The following SYDE2 variants were observed in gnomAD, a reference collection of about 807,000 sequenced individuals.
SYDE2 encodes the protein synapse defective Rho GTPase homolog 2.
SYDE2 carries 76 observed loss-of-function variants against 91.5 expected under a neutral mutation model. The observed-to-expected ratio is 0.83, with a 90% confidence interval of 0.69 to 1.01. SYDE2 has a LOEUF of 1.01. Among genes scored for constraint, SYDE2 ranks in the 50% least tolerant of loss-of-function variants. The pLI is 0.00. For missense variants in SYDE2, 1,364 were observed against 1,367.7 expected (o/e 1.00, Z 0.04); for synonymous variants, 513 against 506.4 (o/e 1.01, Z -0.18).
At chr1:85,163,481 A>ATATATATATATAT (rs1657152403) in intron 6 of SYDE2, among the ~76,000 whole-genome samples, 40 of 138,168 alleles carry the variant, frequency 2.9e-4, no homozygotes, top group South Asian at 4.5e-4. Context: ...ATATATATAT[A>ATATATATATATAT]ACAAAAGAGT....
In SYDE2 at chr1:85,169,111, C is replaced by T; in HGVS notation, c.2786G>A (p.Cys929Tyr). 1 of 1,613,896 alleles carries T rather than the reference C, an allele frequency of 6.2e-7. No homozygotes were observed. The highest frequency in any genetic ancestry group is 8.5e-7 in the Non-Finnish European group (1 of 1,179,800). Reference protein sequence around the residue: ...KSPLKMSSNGCENDPGDSKYT... With the variant: ...KSPLKMSSNGYENDPGDSKYT... Reference sequence around the variant, plus strand: ...CTTAGAGTCACCTGGGTCATTCTCACAACCATTTGATGACATTTTCAAAGG... The same window carrying T: ...CTTAGAGTCACCTGGGTCATTCTCATAACCATTTGATGACATTTTCAAAGG... The change falls in exon 5 of 7, where the codon TGT becomes TAT. Residue 929 changes from cysteine to tyrosine, a missense_variant. Transcript: ENST00000341460.
intron 4 of SYDE2, among the ~76,000 whole-genome samples, chr1:85,170,323 T>A (rs541687428): frequency 6.6e-6 from 1 of 152,010 alleles, no homozygotes; most frequent in Non-Finnish European, 1.5e-5. Context: ...TAGACTTGAA[T>A]TGCTGGCCTC....
At chr1:85,167,733 C>T (rs573475332) in intron 5 of SYDE2, among the ~76,000 whole-genome samples, 1 of 152,316 alleles carries the variant, frequency 6.6e-6, no homozygotes, top group African/African-American at 2.4e-5. Context: ...GTGTGATAGA[C>T]TATTTAATAT....
intron 4 of SYDE2, among the ~76,000 whole-genome samples, chr1:85,172,702 G>A (rs549474855): frequency 1.4e-4 from 21 of 152,250 alleles, no homozygotes; most frequent in African/African-American, 4.3e-4. Flanking sequence ...TTTGCAGGTC[G>A]CAGTAAGGAA....
intron 4 of SYDE2, among the ~76,000 whole-genome samples, chr1:85,171,109 A>T (rs1375671551): frequency 6.6e-6 from 1 of 152,178 alleles, no homozygotes; most frequent in African/African-American, 2.4e-5. Context: ...TAAAGAGAAG[A>T]GTTTCATTTT....
At chr1:85,161,936 G>A (rs539205664) in intron 6 of SYDE2, among the ~76,000 whole-genome samples, 1 of 152,148 alleles carries the variant, frequency 6.6e-6, no homozygotes, top group African/African-American at 2.4e-5. Flanking sequence ...TCTGGTCAAC[G>A]GGAAGTGTGT....
intron 4 of SYDE2, among the ~76,000 whole-genome samples, chr1:85,177,623 T>C (rs1657749332): frequency 6.6e-6 from 1 of 152,130 alleles, no homozygotes; most frequent in South Asian, 2.1e-4. Flanking sequence ...TTACTACCTC[T>C]TTGCCTGGAC....
At chr1:85,179,741 C>A (rs1240048503) in intron 3 of SYDE2, among the ~76,000 whole-genome samples, 2 of 152,092 alleles carry the variant, frequency 1.3e-5, no homozygotes, top group Non-Finnish European at 2.9e-5. Context: ...GCTACCACAA[C>A]AGAAGAAACG....
intron 1 of SYDE2, among the ~76,000 whole-genome samples, chr1:85,193,629 A>AT (rs34535337): frequency 1.3e-5 from 2 of 151,340 alleles, no homozygotes; most frequent in East Asian, 1.9e-4. Context: ...ATTAAAAGGA[A>AT]TTTTTTTTTA....
At chr1:85,162,771 A>C (rs191709236) in intron 6 of SYDE2, among the ~76,000 whole-genome samples, 3 of 152,328 alleles carry the variant, frequency 2.0e-5, no homozygotes, top group Admixed American at 2.0e-4. Flanking sequence ...AATAATTAAT[A>C]ATCATAACAA....
chr1:85,174,667 C>T (rs1393597854), intron 4 of SYDE2, among the ~76,000 whole-genome samples: 1 of 150,092 alleles, frequency 6.7e-6, no homozygotes, highest in Admixed American at 6.6e-5. Flanking sequence ...CTCTTTTTGG[C>T]CTTACCACCT....
intron 4 of SYDE2, among the ~76,000 whole-genome samples, chr1:85,172,092 T>A (rs817433): frequency 0.23 from 34,266 of 152,108 alleles, 4,782 homozygotes; most frequent in African/African-American, 0.38. Context: ...AACTTCTGAG[T>A]ACACATGAAG....
At position 85,159,163 on chromosome 1, in the gene SYDE2, G is replaced by C. The variant is rs765447266; in HGVS notation, c.3172C>G (p.Arg1058Gly). ...SLNYLRQKKE[R>G]PHMLNLSGTD... The stretch of plus-strand genomic sequence containing the variant: ...CCACTCAAATTTAACATATGAGGTC[G>C]TTCTTTCTTCTGCCTCAGATAATTC... Residue 1058 changes from arginine to glycine, a missense_variant, in exon 7 of 7, where the codon CGA becomes GGA. Coordinates refer to ENST00000341460, the MANE Select transcript of SYDE2 (RefSeq NM_032184.2). 2 of 780,748 alleles carry C rather than the reference G, an allele frequency of 2.6e-6. No homozygotes were observed. The highest frequency in any genetic ancestry group is 1.3e-5 in the South Asian group (1 of 74,604). The allele number at this position is 780,748 out of a possible 1,614,324, so 48.4% of individuals were successfully genotyped here.
downstream of SYDE2, among the ~76,000 whole-genome samples, chr1:85,155,508 A>G (rs1379236969): frequency 6.6e-6 from 1 of 152,188 alleles, no homozygotes; most frequent in Non-Finnish European, 1.5e-5. Context: ...AAGAAATAAA[A>G]GCAATTACTT....
intron 4 of SYDE2, among the ~76,000 whole-genome samples, chr1:85,173,362 G>A (rs12039804): frequency 0.047 from 7,184 of 152,218 alleles, 263 homozygotes; most frequent in East Asian, 0.17. Flanking sequence ...TCCCCTGCAG[G>A]TATCAGGGGG....
At position 85,190,479 on chromosome 1, in the gene SYDE2, T is replaced by A; in HGVS notation, c.1019A>T (p.Tyr340Phe). The A allele has an allele frequency of 6.2e-7, 1 of 1,614,030 alleles. No individual in the cohort carries two copies. The highest frequency in any genetic ancestry group is 8.5e-7 in the Non-Finnish European group (1 of 1,179,888). The change falls in exon 2 of 7, where the codon TAT becomes TTT. Residue 340 changes from tyrosine to phenylalanine, a missense_variant. Physicochemically the swap from Tyr to Phe is conservative, Grantham distance 22 (BLOSUM62 3). Transcript: ENST00000341460. The part of the protein sequence containing the change: ...FLKSSKEYCT[Y>F]VVCNATNSSL... ...AGAGTTTGTAGCGTTACATACCACA[T>A]ATGTACAGTACTCTTTAGATGATTT...
Position 85,190,590 on chromosome 1 carries a change from T to C in SYDE2, c.908A>G (p.Glu303Gly). 1 of 1,613,978 alleles carries C rather than the reference T, an allele frequency of 6.2e-7. No homozygotes were observed. Among genetic ancestry groups the C allele is most frequent in the Non-Finnish European group, 8.5e-7 (1 of 1,179,880 alleles). Residue 303 changes from glutamate to glycine, a missense_variant, in exon 2 of 7, where the codon GAA becomes GGA. Glu to Gly is a moderately conservative substitution (Grantham distance 98). Coordinates refer to ENST00000341460, the MANE Select transcript of SYDE2 (RefSeq NM_032184.2). ...QSTLRPLNLEEENKKCQDRSH... is the reference protein window; with the variant it reads ...QSTLRPLNLEGENKKCQDRSH... ...TCTATCTTGGCATTTCTTATTTTCTTCTTCCAGATTAAGAGGCCTCAGAGT... is the reference window on the plus strand; with the variant it reads ...TCTATCTTGGCATTTCTTATTTTCTCCTTCCAGATTAAGAGGCCTCAGAGT...
intron 3 of SYDE2, chr1:85,181,574 CA>C (rs1224728989): frequency 6.6e-6 from 1 of 152,198 alleles, no homozygotes; most frequent in African/African-American, 2.4e-5. Flanking sequence ...TATCTTAATG[CA>C]AAATTCCATT....
chr1:85,178,188 C>T lies in SYDE2; in HGVS notation c.2629G>A (p.Gly877Ser). The T allele has an allele frequency of 6.3e-7, 1 of 1,585,222 alleles. No homozygotes were observed. ...TCTGGGTACTGGTTTTCACACAGAC[C>T]AACAGCTTTGCTATCTCTCTCAAAA... ...EAFERDSKAV[G>S]LCENQYPDIN... The change falls in exon 4 of 7, where the codon GGT becomes AGT. Residue 877 changes from glycine (G) to serine (S), a missense_variant. Transcript: ENST00000341460.
Sources: gnomAD v4.1 joint callset for allele counts (sites outside exome capture counted in the v4.1 genomes callset) on GRCh38, gnomAD v4.1.1 for gene constraint, MANE v1.5 for transcripts, NCBI Gene and HGNC (gene_info 2026-07-23, HGNC 2026-07-21) for gene names.